ERI1: variants seen among roughly 807,000 people sequenced by gnomAD.
The protein encoded by ERI1 is 3'-5' exoribonuclease 1.
A neutral mutation model predicts 39.7 loss-of-function variants in ERI1; 39 were observed. That is an observed-to-expected ratio of 0.98 (90% confidence interval 0.76 to 1.28). ERI1 has a LOEUF of 1.28. ERI1 is among the 50% of genes most tolerant of loss of function. ERI1 has a pLI of 0.00. For synonymous variants in ERI1, 204 were observed against 149.6 expected, an observed-to-expected ratio of 1.36 and a Z score of -2.65; for missense variants, 581 against 416.9, an observed-to-expected ratio of 1.39 and a Z score of -3.43.
chr8:9,013,605 C>G (rs1816910119), intron 3 of ERI1, among the ~76,000 whole-genome samples: 1 of 152,114 alleles, frequency 6.6e-6, no homozygotes, highest in African/African-American at 2.4e-5. Context: ...CAGAAGCTGT[C>G]TCTTTGCTGG....
At chr8:9,093,637 C>T (rs891418432) in intron 3 of ERI1, among the ~76,000 whole-genome samples, 28 of 152,104 alleles carry the variant, frequency 1.8e-4, no homozygotes, top group East Asian at 9.6e-4. Context: ...GTGCAATCTC[C>T]GCTCACTGCA....
At chr8:9,074,773 C>G (rs1391719159) in intron 3 of ERI1, among the ~76,000 whole-genome samples, 1 of 152,180 alleles carries the variant, frequency 6.6e-6, no homozygotes, top group African/African-American at 2.4e-5. Flanking sequence ...TATATGGGAA[C>G]TTCCTGTCAT....
At chr8:9,044,563 C>G (rs960030396) in intron 3 of ERI1, among the ~76,000 whole-genome samples, 1 of 152,080 alleles carries the variant, frequency 6.6e-6, no homozygotes, top group African/African-American at 2.4e-5. Flanking sequence ...CCAAAGTACA[C>G]AGAGGACAGT....
chr8:9,061,276 A>G (rs759935987), intron 3 of ERI1, among the ~76,000 whole-genome samples: 8 of 152,180 alleles, frequency 5.3e-5, no homozygotes, highest in Non-Finnish European at 1.5e-5. Context: ...AGCCAGATAC[A>G]GTTATGAGGG....
intron 6 of ERI1, among the ~76,000 whole-genome samples, chr8:9,021,774 G>GTTTTTTTTTTTTTTTTTTTTTT (rs200507835): frequency 1.0e-4 from 9 of 88,270 alleles, no homozygotes; most frequent in Admixed American, 2.2e-4. Flanking sequence ...TGTTTTTTTT[G>GTTTTTTTTTTTTTTTTTTTTTT]TTTTTTTTTT....
chr8:9,039,378 A>T (rs1355774970), intron 3 of ERI1, among the ~76,000 whole-genome samples: 1 of 152,228 alleles, frequency 6.6e-6, no homozygotes, highest in Non-Finnish European at 1.5e-5. Context: ...TATCCATGTC[A>T]TGAATCAAAT....
At chr8:9,052,783 G>C (rs558754596) in intron 3 of ERI1, among the ~76,000 whole-genome samples, 1 of 152,140 alleles carries the variant, frequency 6.6e-6, no homozygotes, top group Non-Finnish European at 1.5e-5. Context: ...CGAGTGGTTC[G>C]AATGTCTGTT....
chr8:9,089,334 G>T (rs139352745), intron 3 of ERI1, among the ~76,000 whole-genome samples: 1 of 152,144 alleles, frequency 6.6e-6, no homozygotes, highest in South Asian at 2.1e-4. Flanking sequence ...TGAACTACTG[G>T]CTTCAAGTGG....
intron 3 of ERI1, among the ~76,000 whole-genome samples, chr8:9,068,572 T>G (rs1381998004): frequency 6.6e-6 from 1 of 152,084 alleles, no homozygotes; most frequent in Non-Finnish European, 1.5e-5. Context: ...ATAGGGGTCT[T>G]TATTGAGCAC....
intron 6 of ERI1, among the ~76,000 whole-genome samples, chr8:9,029,357 C>A (rs1472563494): frequency 1.3e-5 from 2 of 152,000 alleles, no homozygotes; most frequent in East Asian, 1.9e-4. Flanking sequence ...TTGATGGAGT[C>A]TCGCTCTGTT....
chr8:9,067,653 T>TAAAA (rs573247378), intron 3 of ERI1, among the ~76,000 whole-genome samples: 2 of 121,188 alleles, frequency 1.7e-5, no homozygotes, highest in Non-Finnish European at 3.4e-5. Context: ...AGAACCTTTC[T>TAAAA]AAAAAAAAAA....
chr8:9,027,617 C>T (rs1299486405), intron 6 of ERI1, among the ~76,000 whole-genome samples: 2 of 152,114 alleles, frequency 1.3e-5, no homozygotes, highest in Non-Finnish European at 2.9e-5. Flanking sequence ...GAATGTCTTA[C>T]ATTTAGGTCT....
chr8:9,025,045 G>T (rs908035590), intron 6 of ERI1, among the ~76,000 whole-genome samples: 1 of 152,148 alleles, frequency 6.6e-6, no homozygotes, highest in Non-Finnish European at 1.5e-5. Flanking sequence ...CAACTTTTCT[G>T]GGGGTAGAGC....
intron 6 of ERI1, among the ~76,000 whole-genome samples, chr8:9,028,722 C>G (rs770301361): frequency 2.0e-5 from 3 of 152,026 alleles, no homozygotes; most frequent in African/African-American, 7.3e-5. Context: ...CTCCCGGGTT[C>G]AAGGGATTCT....
intron 3 of ERI1, among the ~76,000 whole-genome samples, chr8:9,040,728 G>GT: frequency 8.9e-6 from 1 of 111,840 alleles, no homozygotes; most frequent in East Asian, 2.5e-4. Context: ...TAGTGTGTGT[G>GT]TGGGGGGGGG....
At chr8:9,012,354 G>A (rs1038371022) in intron 3 of ERI1, among the ~76,000 whole-genome samples, 3 of 152,190 alleles carry the variant, frequency 2.0e-5, no homozygotes, top group Non-Finnish European at 4.4e-5. Flanking sequence ...AAGTCTAGTA[G>A]GAATTCCCTA....
At chr8:9,067,494 A>C (rs1157645296) in intron 3 of ERI1, among the ~76,000 whole-genome samples, 1 of 151,810 alleles carries the variant, frequency 6.6e-6, no homozygotes, top group Non-Finnish European at 1.5e-5. Context: ...ATCTCTACAA[A>C]AGATGCAAAA....
chr8:9,022,881 A>G (rs1563328487), intron 6 of ERI1, among the ~76,000 whole-genome samples: 1 of 152,152 alleles, frequency 6.6e-6, no homozygotes, highest in African/African-American at 2.4e-5. Flanking sequence ...CTTCCTTATT[A>G]TTTTGAGGCA....
chr8:9,083,337 T>C (rs371705951), intron 3 of ERI1, among the ~76,000 whole-genome samples: 6 of 152,320 alleles, frequency 3.9e-5, no homozygotes, highest in African/African-American at 1.4e-4. Flanking sequence ...TATTACATGG[T>C]ATCTGCCCCC....
Sources: gnomAD v4.1 joint callset for allele counts (sites outside exome capture counted in the v4.1 genomes callset) on GRCh38, gnomAD v4.1.1 for gene constraint, MANE v1.5 for transcripts, NCBI Gene and HGNC (gene_info 2026-07-23, HGNC 2026-07-21) for gene names.